Variants in IL21R observed in about 807,000 individuals in gnomAD.
IL21R encodes interleukin 21 receptor.
A neutral mutation model predicts 41.3 loss-of-function variants in IL21R; 14 were observed. The ratio of observed to expected loss-of-function variants is 0.34; its 90% CI spans 0.22 to 0.53. The LOEUF is 0.53. Among genes scored for constraint, IL21R ranks in the 20% least tolerant of loss-of-function variants. The pLI is 0.94. For missense variants in IL21R, 588 were observed against 681.6 expected (o/e 0.86, Z 1.53); for synonymous variants, 286 against 287.6 (o/e 0.99, Z 0.05).
chr16:27,440,286 A>AGTG (rs1567370101), intron 4 of IL21R, among the ~76,000 whole-genome samples: 1 of 105,472 alleles, frequency 9.5e-6, no homozygotes, highest in Admixed American at 8.9e-5. Context: ...GAGAGCGAGC[A>AGTG]AGCGCGCGCC....
In IL21R at chr16:27,443,083, G is replaced by A. The variant is rs2087417947; in HGVS notation, c.474G>A (p.Leu158=). The change falls in exon 5 of 9, where the codon CTG becomes CTA. Residue 158 remains leucine, a synonymous_variant. Transcript: ENST00000337929. The part of the protein sequence containing the change: ...YMLKGKLQYE[L]QYRNRGDPWA... ...TGAAGGGCAAGCTTCAGTATGAGCT[G>A]CAGTACAGGAACCGGGGAGACCCCT... 1.2e-6 allele frequency: 2 copies of A among 1,613,894 alleles called. No individual in the cohort carries two copies. The highest frequency in any genetic ancestry group is 2.2e-5 in the East Asian group (1 of 44,880).
chr16:27,403,361 A>G, intron 1 of IL21R: 2 of 748,852 alleles, frequency 2.7e-6, no homozygotes, highest in Non-Finnish European at 3.8e-6. Flanking sequence ...GACTTGCCGC[A>G]GGAATGACGT....
intron 1 of IL21R, among the ~76,000 whole-genome samples, chr16:27,418,623 G>A (rs771192568): frequency 2.1e-4 from 32 of 151,886 alleles, no homozygotes; most frequent in South Asian, 1.2e-3. Context: ...GCCCGCCTTG[G>A]CCTCCCAAAG....
intron 4 of IL21R, among the ~76,000 whole-genome samples, chr16:27,438,778 G>T (rs975040321): frequency 5.9e-5 from 9 of 152,234 alleles, no homozygotes. Context: ...GCTGAGGCAG[G>T]AGAATTGTTT....
At position 27,402,267 on chromosome 16, in the gene IL21R, C is replaced by T. The variant is rs2064780911; in HGVS notation, c.-368C>T. On this transcript the variant is annotated 5_prime_UTR_variant, in exon 1 of 9. Transcript: ENST00000337929. ...GACCGTAAGCTCGGCGTCTGGCCCT[C>T]TGCCTGCCTCTCCCTGAGTGTGGCT... is the stretch of plus-strand genomic sequence containing the variant. 6.6e-6 allele frequency: 1 copy of T among 152,538 alleles called. No individual in the cohort carries two copies. The highest frequency in any genetic ancestry group is 1.5e-5 in the Non-Finnish European group (1 of 68,294). The allele number at this position is 152,538 out of a possible 1,614,324, so 9.4% of individuals were successfully genotyped here.
intron 1 of IL21R, among the ~76,000 whole-genome samples, chr16:27,406,724 A>G (rs2086754548): frequency 6.6e-6 from 1 of 151,716 alleles, no homozygotes; most frequent in Admixed American, 6.6e-5. Flanking sequence ...AACACTAACC[A>G]CACACCTAAT....
chr16:27,449,150 T>C lies in IL21R; in HGVS notation c.1484T>C (p.Val495Ala). The C allele has an allele frequency of 6.2e-7, 1 of 1,613,254 alleles. No homozygotes were observed. Among genetic ancestry groups the C allele is most frequent in the Non-Finnish European group, 8.5e-7 (1 of 1,180,016 alleles). The change falls in exon 9 of 9, where the codon GTG becomes GCG. Residue 495 changes from valine (V) to alanine (A), a missense_variant. By Grantham distance (64) the Val-to-Ala change is moderately conservative. Coordinates refer to ENST00000337929, the MANE Select transcript of IL21R (RefSeq NM_181078.3). ...ATGGACACGTTTGACAGTGGCTTTG[T>C]GGGCTCTGACTGCAGCAGCCCTGTG... Reference protein sequence around the residue: ...LDMDTFDSGFVGSDCSSPVEC... With the variant: ...LDMDTFDSGFAGSDCSSPVEC...
chr16:27,404,118 C>A (rs1024742070), intron 1 of IL21R, among the ~76,000 whole-genome samples: 12 of 152,178 alleles, frequency 7.9e-5, no homozygotes, highest in Middle Eastern at 3.2e-3. Context: ...TTCATTCCCA[C>A]GAGGACAGGC....
At chr16:27,441,046 CAAAA>C (rs35321284) in intron 4 of IL21R, among the ~76,000 whole-genome samples, 7 of 68,372 alleles carry the variant, frequency 1.0e-4, no homozygotes, top group African/African-American at 2.6e-4. Context: ...GATTCTGTCT[CAAAA>C]AAAAAAAAAA....
chr16:27,447,384 G>A (rs2087500288), intron 8 of IL21R, among the ~76,000 whole-genome samples: 1 of 152,038 alleles, frequency 6.6e-6, no homozygotes, highest in Non-Finnish European at 1.5e-5. Flanking sequence ...AGGGCACACA[G>A]CTGAGAAGCG....
rs898995762 is a variant in IL21R at position 27,419,334 on chromosome 16, T to C, written c.-16-10722T>C. ...TTTTGTCCCACTGGAAGGTCTTCAG[T>C]GGCAAAAACACACATGGAGCTGGCA... On this transcript the variant is annotated intron_variant, in intron 1 of 8. Transcript: ENST00000337929. Among the ~76,000 whole-genome samples the C allele has an allele frequency of 3.3e-5, 5 of 152,208 alleles. No homozygotes were observed. In the South Asian group the frequency reaches 1.0e-3, roughly 32 times the overall value.
chr16:27,437,674 C>T lies in IL21R; in HGVS notation c.339C>T (p.Leu113=), dbSNP rs201430379. 4.5e-5 allele frequency: 72 copies of T among 1,613,900 alleles called. No homozygotes were observed. The Middle Eastern group carries it at 1.5e-3, about 33-fold the overall frequency. The change falls in exon 4 of 9, where the codon CTC becomes CTT. Residue 113 remains leucine, a synonymous_variant. Coordinates refer to ENST00000337929, the MANE Select transcript of IL21R (RefSeq NM_181078.3). ...ACTCCCAGGAGTGTGGCAGCTTTCTCCTGGCTGAGAGCAGTGAGTATCCTG... is the reference window on the plus strand; with the variant it reads ...ACTCCCAGGAGTGTGGCAGCTTTCTTCTGGCTGAGAGCAGTGAGTATCCTG... ...GNYSQECGSF[L]LAESIKPAPP...
In IL21R at chr16:27,439,353, C is replaced by CACAT. The variant is rs952661124; in HGVS notation, c.352+1674_352+1677dup. 3.3e-5 allele frequency among the ~76,000 whole-genome samples: 5 copies of CACAT among 150,710 alleles called. No individual in the cohort carries two copies. In the East Asian group the frequency reaches 5.9e-4, roughly 18 times the overall value. The stretch of plus-strand genomic sequence containing the variant: ...TCTCTCTCACTCTCATACACACTCA[C>CACAT]ACATACATACACACACACACACACA... On this transcript the variant is annotated intron_variant, in intron 4 of 8. Coordinates refer to ENST00000337929, the MANE Select transcript of IL21R (RefSeq NM_181078.3).
In IL21R at chr16:27,436,385, G is replaced by A. The variant is rs539489226; in HGVS notation, c.153-1103G>A. Reference sequence around the variant, plus strand: ...GGCCCTGTGGGAGAAGAGCTGGTGCGTTTGAGGAATAGGGAGGAGGTCAGT... The same window carrying A: ...GGCCCTGTGGGAGAAGAGCTGGTGCATTTGAGGAATAGGGAGGAGGTCAGT... On this transcript the variant is annotated intron_variant, in intron 3 of 8. Transcript: ENST00000337929. 6.6e-5 allele frequency among the ~76,000 whole-genome samples: 10 copies of A among 152,364 alleles called. No individual in the cohort carries two copies. The South Asian group carries it at 8.3e-4, about 13-fold the overall frequency.
intron 1 of IL21R, among the ~76,000 whole-genome samples, chr16:27,409,027 T>C (rs1452855495): frequency 2.0e-5 from 3 of 152,094 alleles, no homozygotes; most frequent in Non-Finnish European, 4.4e-5. Flanking sequence ...AGTGGAAATG[T>C]TGAGTCTCTG....
At position 27,411,294 on chromosome 16, in the gene IL21R, C is replaced by CT. The variant is rs907191582; in HGVS notation, c.-17+8685dup. 3.6e-4 allele frequency among the ~76,000 whole-genome samples: 54 copies of CT among 150,610 alleles called. 1 individual carries two copies. The highest frequency in any genetic ancestry group is 1.2e-3 in the Admixed American group (18 of 15,086). ...CATCTTCACCACCATTTGTTCTTTT[C>CT]TTTTTTTTTATAATAACCATCCTAA... On this transcript the variant is annotated intron_variant, in intron 1 of 8. Coordinates refer to ENST00000337929, the MANE Select transcript of IL21R (RefSeq NM_181078.3).
Position 27,448,982 on chromosome 16 carries a change from G to C in IL21R, c.1316G>C (p.Gly439Ala), listed in dbSNP as rs199542730. The C allele has an allele frequency of 4.0e-5, 65 of 1,612,886 alleles. No individual in the cohort carries two copies. The highest frequency in any genetic ancestry group is 1.4e-5 in the Non-Finnish European group (17 of 1,179,930). ...GCVSAGSPGL[G>A]GPLGSLLDRL... is the part of the protein sequence containing the mutation. ...GTCTCAGCTGGCAGCCCTGGGCTAG[G>C]AGGGCCCCTGGGAAGCCTCCTGGAC... The change falls in exon 9 of 9, where the codon GGA becomes GCA. Residue 439 changes from glycine to alanine, a missense_variant. Transcript: ENST00000337929.
rs143886473 is a variant in IL21R, at chr16:27,435,739, C to T, written c.152+1290C>T. 5.5e-3 allele frequency among the ~76,000 whole-genome samples: 836 copies of T among 151,642 alleles called. 9 individuals are homozygous for T. The highest frequency in any genetic ancestry group is 0.019 in the African/African-American group (799 of 41,312). ...AAAGTGCTGGGATTACAGGTGTGAG[C>T]CACCATGCCAGGCCCAAACAGGACA... is the stretch of plus-strand genomic sequence containing the variant. On this transcript the variant is annotated intron_variant, in intron 3 of 8. Coordinates refer to ENST00000337929, the MANE Select transcript of IL21R (RefSeq NM_181078.3).
At chr16:27,413,369 G>A (rs909078784) in intron 1 of IL21R, among the ~76,000 whole-genome samples, 1 of 151,954 alleles carries the variant, frequency 6.6e-6, no homozygotes, top group Non-Finnish European at 1.5e-5. Flanking sequence ...CTAGCATTTT[G>A]TTGAGGATTT....
Sources: gnomAD v4.1 joint callset for allele counts (sites outside exome capture counted in the v4.1 genomes callset) on GRCh38, gnomAD v4.1.1 for gene constraint, MANE v1.5 for transcripts, NCBI Gene and HGNC (gene_info 2026-07-23, HGNC 2026-07-21) for gene names.